BICC1: variants seen among roughly 807,000 people sequenced by gnomAD.
BICC1 encodes the protein protein bicaudal C homolog 1.
In BICC1, 43 loss-of-function variants were observed where a neutral mutation model predicts 111.0. The observed-to-expected ratio is 0.39, with a 90% CI of 0.30 to 0.50. The LOEUF (loss-of-function observed/expected upper bound fraction) is 0.50, where lower values mean the gene tolerates loss of function less well. Ranked by LOEUF, BICC1 falls within the 20% of genes least tolerant of loss-of-function variation. The probability of loss-of-function intolerance (pLI) is 0.88; values close to 1 mark genes in which losing one functional copy is unlikely to be tolerated. For missense variants in BICC1, 1,091 were observed against 1,203.2 expected (o/e 0.91, Z 1.38); for synonymous variants, 467 against 434.4 (o/e 1.07, Z -0.93).
chr10:58,514,680 TC>T lies in BICC1; in HGVS notation c.190+1348del, dbSNP rs55659931. ...CTTTCTCTGTCTCTCCCCTTCCCTC[TC>T]TTTTTTTCTCAAATTATGTAACTTT... On this transcript the variant is annotated intron_variant, in intron 1 of 20. Transcript: ENST00000373886. 1.7e-3 allele frequency among the ~76,000 whole-genome samples: 257 copies of T among 152,144 alleles called. 2 individuals carry two copies. Among genetic ancestry groups the T allele is most frequent in the Non-Finnish European group, 2.8e-3 (187 of 67,984 alleles).
At chr10:58,655,063 C>T (rs1429017347) in intron 2 of BICC1, among the ~76,000 whole-genome samples, 1 of 138,278 alleles carries the variant, frequency 7.2e-6, no homozygotes, top group Non-Finnish European at 1.6e-5. Flanking sequence ...GGTACCAGTA[C>T]CATGCTGTTT....
intron 3 of BICC1, among the ~76,000 whole-genome samples, chr10:58,732,452 G>T (rs1841346425): frequency 8.1e-6 from 1 of 123,254 alleles, no homozygotes; most frequent in Admixed American, 8.8e-5. Context: ...CTGGTCAGTG[G>T]AGCAATCAGA....
At chr10:58,784,378 T>C (rs1468116846) in intron 3 of BICC1, among the ~76,000 whole-genome samples, 1 of 152,206 alleles carries the variant, frequency 6.6e-6, no homozygotes, top group East Asian at 1.9e-4. Flanking sequence ...TCAATACTAA[T>C]TCTGGATAAA....
rs1264505717 is a variant in BICC1 at position 58,793,502 on chromosome 10, T to C, written c.1066T>C (p.Leu356=). The change falls in exon 9 of 21, where the codon TTG becomes CTG. Residue 356 remains leucine, a synonymous_variant. Transcript: ENST00000373886. ...QYLMGCLPLV[L]MFDMKEEIEV... is the part of the protein sequence containing the mutation. ...TTTCTAGGGTTGTCTTCCTCTTGTG[T>C]TGATGTTTGATATGAAGGAAGAAAT... 2 of 1,612,416 alleles carry C rather than the reference T, an allele frequency of 1.2e-6. No homozygotes were observed. The highest frequency in any genetic ancestry group is 2.7e-5 in the African/African-American group (2 of 75,002).
At chr10:58,591,031 A>G (rs2132039303) in intron 1 of BICC1, among the ~76,000 whole-genome samples, 1 of 152,228 alleles carries the variant, frequency 6.6e-6, no homozygotes, top group Admixed American at 6.5e-5. Context: ...GCCTGAATAG[A>G]CACTTCCCAG....
At chr10:58,723,077 C>G (rs1295949556) in intron 3 of BICC1, among the ~76,000 whole-genome samples, 2 of 152,202 alleles carry the variant, frequency 1.3e-5, no homozygotes, top group Non-Finnish European at 1.5e-5. Context: ...TAGGTATGGT[C>G]TCAGACTTAA....
chr10:58,721,880 A>G (rs1840950513), intron 3 of BICC1, among the ~76,000 whole-genome samples: 1 of 152,150 alleles, frequency 6.6e-6, no homozygotes, highest in Non-Finnish European at 1.5e-5. Context: ...TCACAAGGGA[A>G]AGGACCCAGC....
chr10:58,629,832 G>C (rs1837738836), intron 2 of BICC1, among the ~76,000 whole-genome samples: 1 of 152,130 alleles, frequency 6.6e-6, no homozygotes, highest in East Asian at 1.9e-4. Flanking sequence ...GGCAAAGTAT[G>C]TTGCGTTAAA....
At chr10:58,621,866 C>T (rs951884082) in intron 2 of BICC1, among the ~76,000 whole-genome samples, 7 of 148,032 alleles carry the variant, frequency 4.7e-5, no homozygotes, top group Admixed American at 4.2e-4. Flanking sequence ...CCACTGCACT[C>T]CAGCCTGGGC....
intron 3 of BICC1, among the ~76,000 whole-genome samples, chr10:58,721,951 A>G (rs1362707775): frequency 2.0e-5 from 3 of 152,196 alleles, no homozygotes; most frequent in Non-Finnish European, 4.4e-5. Context: ...ACTTGAGCCA[A>G]GTTAGGAAAA....
intron 1 of BICC1, among the ~76,000 whole-genome samples, chr10:58,528,684 G>A (rs918517827): frequency 6.6e-6 from 1 of 151,902 alleles, no homozygotes; most frequent in African/African-American, 2.4e-5. Context: ...GGTGCCCTGA[G>A]TTCATGACCC....
chr10:58,683,838 C>T (rs1839619292), intron 2 of BICC1, among the ~76,000 whole-genome samples: 1 of 152,170 alleles, frequency 6.6e-6, no homozygotes, highest in Non-Finnish European at 1.5e-5. Context: ...AATTTGATTT[C>T]CTCTTTTCCT....
intron 1 of BICC1, among the ~76,000 whole-genome samples, chr10:58,545,906 G>T (rs1843126436): frequency 6.6e-6 from 1 of 152,116 alleles, no homozygotes; most frequent in South Asian, 2.1e-4. Context: ...TTACAGTGTT[G>T]GGTATTTTTG....
At chr10:58,826,249 T>A (rs952189197) in intron 20 of BICC1, among the ~76,000 whole-genome samples, 3 of 152,076 alleles carry the variant, frequency 2.0e-5, no homozygotes, top group Non-Finnish European at 4.4e-5. Context: ...CAACAAAAGA[T>A]GGTATGTTAA....
Position 58,801,046 on chromosome 10 carries a change from A to T in BICC1, c.2015A>T (p.His672Leu), listed in dbSNP as rs963416109. The change falls in exon 14 of 21, where the codon CAC (histidine) becomes CTC (leucine). Residue 672 changes from histidine (H) to leucine (L), a missense_variant and splice_region_variant. Transcript: ENST00000373886. Reference protein sequence around the residue: ...LLQGTKNSHLHSTDRLLSDPE... With the variant: ...LLQGTKNSHLLSTDRLLSDPE... ...CAAGGCACGAAAAACTCACACTTAC[A>T]GTATGTATTTTAATCTTTAAAGAGC... The T allele has an allele frequency of 6.3e-6, 10 of 1,595,908 alleles. No homozygotes were observed. The highest frequency in any genetic ancestry group is 8.5e-6 in the Non-Finnish European group (10 of 1,173,244).
chr10:58,635,721 C>T (rs1190120457), intron 2 of BICC1, among the ~76,000 whole-genome samples: 1 of 152,086 alleles, frequency 6.6e-6, no homozygotes, highest in African/African-American at 2.4e-5. Context: ...CTTTGTTTCC[C>T]ATTGCCCCTC....
intron 3 of BICC1, among the ~76,000 whole-genome samples, chr10:58,762,490 G>A (rs111736300): frequency 2.7e-3 from 410 of 152,202 alleles, no homozygotes; most frequent in African/African-American, 9.3e-3. Context: ...TGTGGTCAGC[G>A]TTGTTTTTTG....
intron 3 of BICC1, among the ~76,000 whole-genome samples, chr10:58,745,232 G>T (rs1841795408): frequency 6.6e-6 from 1 of 152,026 alleles, no homozygotes; most frequent in Non-Finnish European, 1.5e-5. Flanking sequence ...TTAGGGGATT[G>T]GGCTCTGGAA....
chr10:58,547,435 T>G (rs1257920237), intron 1 of BICC1, among the ~76,000 whole-genome samples: 1 of 152,124 alleles, frequency 6.6e-6, no homozygotes, highest in Non-Finnish European at 1.5e-5. Flanking sequence ...CTCCTCATAT[T>G]AAGGGTGTAC....
Sources: allele counts gnomAD v4.1 joint callset (sites outside exome capture counted in the v4.1 genomes callset), GRCh38; gene constraint gnomAD v4.1.1; transcripts MANE v1.5; gene names NCBI Gene and HGNC (gene_info 2026-07-23, HGNC 2026-07-21).